SCAF8: variants seen among roughly 807,000 people sequenced by gnomAD.
SCAF8 encodes the protein SR-related CTD associated factor 8.
Under a neutral mutation model 140.5 loss-of-function variants are expected in SCAF8, and 23 were observed. The observed-to-expected ratio is 0.16, with a 90% CI of 0.12 to 0.23. SCAF8 has a LOEUF of 0.23. SCAF8 is among the 10% of genes least tolerant of loss of function. SCAF8 has a pLI of 1.00. For missense variants in SCAF8, 1,397 were observed against 1,555.7 expected, an observed-to-expected ratio of 0.90 and a Z score of 1.72; for synonymous variants, 575 against 528.9, an observed-to-expected ratio of 1.09 and a Z score of -1.20.
chr6:154,826,542 T>C (rs1778571690), intron 17 of SCAF8, among the ~76,000 whole-genome samples: 1 of 152,204 alleles, frequency 6.6e-6, no homozygotes. Context: ...ATGGTAGCTT[T>C]ATATTTCAAA....
intron 12 of SCAF8, among the ~76,000 whole-genome samples, chr6:154,812,087 TAAA>T (rs1313037504): frequency 6.6e-6 from 1 of 150,732 alleles, no homozygotes; most frequent in Non-Finnish European, 1.5e-5. Context: ...AAAAAGAAAA[TAAA>T]AAGCACGTGA....
intron 16 of SCAF8, among the ~76,000 whole-genome samples, chr6:154,823,784 T>C (rs1479244675): frequency 6.6e-6 from 1 of 152,184 alleles, no homozygotes; most frequent in Non-Finnish European, 1.5e-5. Context: ...AAAGCTGTGG[T>C]GCAGATGAAT....
At position 154,832,641 on chromosome 6, in the gene SCAF8, T is replaced by C. The variant is rs1377588626; in HGVS notation, c.3062T>C (p.Ile1021Thr). The C allele has an allele frequency of 6.2e-6, 10 of 1,613,822 alleles. No individual in the cohort carries two copies. The highest frequency in any genetic ancestry group is 8.5e-6 in the Non-Finnish European group (10 of 1,179,942). Residue 1021 changes from isoleucine to threonine, a missense_variant, in exon 20 of 20, where the codon ATA (isoleucine) becomes ACA (threonine). This residue lies in a region of SCAF8 where 930 missense variants were observed against 874.6 expected (regional missense o/e 1.06). Transcript: ENST00000367178. ...EGDRDYRFPP[I>T]ETRESISRPP... ...GATAGAGATTACCGGTTTCCTCCTA[T>C]AGAAACCAGGGAAAGCATTAGTAGA...
intron 15 of SCAF8, among the ~76,000 whole-genome samples, chr6:154,820,799 T>G (rs549526863): frequency 6.6e-6 from 1 of 152,308 alleles, no homozygotes; most frequent in East Asian, 1.9e-4. Context: ...CAATACCAAA[T>G]AATCATCAGC....
intron 4 of SCAF8, among the ~76,000 whole-genome samples, chr6:154,790,983 T>C (rs532098772): frequency 6.6e-6 from 1 of 152,346 alleles, no homozygotes; most frequent in South Asian, 2.1e-4. Context: ...ACATAATCAC[T>C]CTGCTTTTAT....
Position 154,801,985 on chromosome 6 carries a change from A to G in SCAF8, c.621A>G (p.Ile207Met). 2 of 1,592,928 alleles carry G rather than the reference A, an allele frequency of 1.3e-6. No homozygotes were observed. Among genetic ancestry groups the G allele is most frequent in the South Asian group, 1.1e-5 (1 of 87,274 alleles). ...TTTCTCTCCAGCTTCAACAATTAATACAAACCTTACAGATACAACAACAGA... is the reference window on the plus strand; with the variant it reads ...TTTCTCTCCAGCTTCAACAATTAATGCAAACCTTACAGATACAACAACAGA... ...SPQGQQLQQL[I>M]QTLQIQQQKP... is the part of the protein sequence containing the mutation. The change falls in exon 7 of 20, where the codon ATA becomes ATG. Residue 207 changes from isoleucine to methionine, a missense_variant. Physicochemically the swap from Ile to Met is conservative, Grantham distance 10 (BLOSUM62 1). Transcript: ENST00000367178.
At chr6:154,791,632 GTTTT>G (rs1298077603) in intron 4 of SCAF8, among the ~76,000 whole-genome samples, 6 of 120,622 alleles carry the variant, frequency 5.0e-5, no homozygotes, top group Non-Finnish European at 8.6e-5. Flanking sequence ...GGATGCTAAA[GTTTT>G]TTTGTTTTTT....
intron 13 of SCAF8, among the ~76,000 whole-genome samples, chr6:154,817,231 AGC>A (rs1778279930): frequency 6.6e-6 from 1 of 152,242 alleles, no homozygotes. Context: ...AAAGTGTCAC[AGC>A]TGCATAGGTG....
chr6:154,770,536 A>C (rs761677771), intron 1 of SCAF8, among the ~76,000 whole-genome samples: 1 of 151,776 alleles, frequency 6.6e-6, no homozygotes, highest in Admixed American at 6.6e-5. Flanking sequence ...ATGCCACTGT[A>C]CCACTCCAGC....
intron 4 of SCAF8, 80 bp downstream of exon 4, chr6:154,788,102 C>T: frequency 2.5e-6 from 3 of 1,193,248 alleles, no homozygotes; most frequent in Non-Finnish European, 2.4e-6. Context: ...TTCAGATTAT[C>T]TTAGTACAGT....
At chr6:154,766,870 T>A in intron 1 of SCAF8, among the ~76,000 whole-genome samples, 1 of 151,988 alleles carries the variant, frequency 6.6e-6, no homozygotes, top group East Asian at 1.9e-4. Context: ...TTATATGATG[T>A]TCTATTGGGG....
intron 1 of SCAF8, among the ~76,000 whole-genome samples, chr6:154,759,184 C>T (rs903293731): frequency 1.3e-5 from 2 of 152,124 alleles, no homozygotes; most frequent in South Asian, 2.1e-4. Context: ...GTCATCAGTG[C>T]GAAAGCAAGG....
At chr6:154,797,120 T>C (rs956130519) in intron 6 of SCAF8, among the ~76,000 whole-genome samples, 1 of 151,840 alleles carries the variant, frequency 6.6e-6, no homozygotes, top group Non-Finnish European at 1.5e-5. Flanking sequence ...ATAATAAATA[T>C]TTATGATTAG....
At chr6:154,759,505 A>G (rs566622838) in intron 1 of SCAF8, among the ~76,000 whole-genome samples, 2 of 152,288 alleles carry the variant, frequency 1.3e-5, no homozygotes, top group Admixed American at 6.5e-5. Context: ...TAATAATACA[A>G]ATGTTAATTA....
intron 3 of SCAF8, among the ~76,000 whole-genome samples, chr6:154,787,398 G>A (rs541683131): frequency 6.6e-6 from 1 of 152,264 alleles, no homozygotes; most frequent in South Asian, 2.1e-4. Flanking sequence ...GGAAACTCTG[G>A]CCTCTGTATT....
At chr6:154,761,267 A>T (rs74682121) in intron 1 of SCAF8, among the ~76,000 whole-genome samples, 1 of 152,222 alleles carries the variant, frequency 6.6e-6, no homozygotes, top group African/African-American at 2.4e-5. Context: ...CAAGCAGATC[A>T]CCTGAGGTTG....
At chr6:154,750,890 C>T (rs755304099) in intron 1 of SCAF8, among the ~76,000 whole-genome samples, 4 of 151,968 alleles carry the variant, frequency 2.6e-5, no homozygotes, top group Non-Finnish European at 5.9e-5. Context: ...TTCTTGTTCT[C>T]ATTTTGGCCA....
intron 9 of SCAF8, among the ~76,000 whole-genome samples, 160 bp downstream of exon 9, chr6:154,805,646 T>C (rs1777891939): frequency 6.6e-6 from 1 of 152,002 alleles, no homozygotes; most frequent in African/African-American, 2.4e-5. Flanking sequence ...CTAAAGTTTG[T>C]TATGGTGATA....
chr6:154,808,320 A>G, intron 10 of SCAF8, 119 bp downstream of exon 10: 1 of 1,061,008 alleles, frequency 9.4e-7, no homozygotes, highest in Admixed American at 2.3e-5. Flanking sequence ...CCACTTTGTA[A>G]TTGTTTCACC....
Sources: gnomAD v4.1 joint callset for allele counts (sites outside exome capture counted in the v4.1 genomes callset) on GRCh38, gnomAD v4.1.1 for gene constraint, gnomAD v4.1.1 regional missense constraint, MANE v1.5 for transcripts, NCBI Gene and HGNC (gene_info 2026-07-23, HGNC 2026-07-21) for gene names.